Variants in CTRL observed in about 807,000 individuals in gnomAD.
The protein encoded by CTRL is chymotrypsin like, also known as chymotrypsin-like protease CTRL-1.
A neutral mutation model predicts 35.5 loss-of-function variants in CTRL; 38 were observed. The ratio of observed to expected loss-of-function variants is 1.07; its 90% CI spans 0.83 to 1.40. CTRL has a LOEUF of 1.40. CTRL is among the 40% of genes most tolerant of loss of function. The probability of loss-of-function intolerance (pLI) is 0.00; values close to 1 mark genes in which losing one functional copy is unlikely to be tolerated. For missense variants in CTRL, 327 were observed against 342.9 expected (o/e 0.95, Z 0.37); for synonymous variants, 155 against 141.1 (o/e 1.10, Z -0.70).
chr16:67,931,273 C>G, intron 1 of CTRL, 72 bp from the exon 2 acceptor site: 1 of 1,483,874 alleles, frequency 6.7e-7, no homozygotes, highest in Non-Finnish European at 9.3e-7. Flanking sequence ...TTTGGGTGCC[C>G]CAGGCTGTGC....
chr16:67,930,818 G>A lies in CTRL; in HGVS notation c.237-11C>T. The A allele has an allele frequency of 6.2e-7, 1 of 1,613,946 alleles. No individual in the cohort carries two copies. The highest frequency in any genetic ancestry group is 8.5e-7 in the Non-Finnish European group (1 of 1,179,892). On this transcript the variant is annotated splice_polypyrimidine_tract_variant and intron_variant, in intron 3 of 6. Coordinates refer to ENST00000574481, the MANE Select transcript of CTRL (RefSeq NM_001907.3). The surrounding 1 kb of genome is among the most constrained non-coding windows in gnomAD (Gnocchi z 4.3). The stretch of plus-strand genomic sequence containing the variant: ...AAATGGCGGCCAGGGCTGCAAGGGG[G>A]TGGGATTAGGCAGCTGCAGGGAGGC...
chr16:67,931,030 G>T (rs756872118), intron 2 of CTRL, 31 bp from the exon 3 acceptor site: 1 of 1,613,492 alleles, frequency 6.2e-7, no homozygotes, highest in Non-Finnish European at 8.5e-7. Context: ...TCAGAGTGGG[G>T]GTGGGCTGCT....
At position 67,931,118 on chromosome 16, in the gene CTRL, G is replaced by T; in HGVS notation, c.136C>A (p.Pro46Thr). The T allele has an allele frequency of 6.2e-7, 1 of 1,614,086 alleles. No homozygotes were observed. ...TGTACCTGCAGGGACACCTGCCAGG[G>T]CCAGGAGCCCAACACTGCATTCTCC... is the stretch of plus-strand genomic sequence containing the variant. ...NGENAVLGSWPWQVSLQDSSG... is the reference protein window; with the variant it reads ...NGENAVLGSWTWQVSLQDSSG... The change falls in exon 2 of 7, where the codon CCC becomes ACC. Residue 46 changes from proline (P) to threonine (T), a missense_variant. Coordinates refer to ENST00000574481, the MANE Select transcript of CTRL (RefSeq NM_001907.3).
Position 67,930,048 on chromosome 16 carries a change from C to G in CTRL, c.681G>C (p.Val227=). 1 of 1,614,140 alleles carries G rather than the reference C, an allele frequency of 6.2e-7. No individual in the cohort carries two copies. Among genetic ancestry groups the G allele is most frequent in the Non-Finnish European group, 8.5e-7 (1 of 1,180,024 alleles). The change falls in exon 7 of 7, where the codon GTG becomes GTC. Residue 227 remains valine, a synonymous_variant. Coordinates refer to ENST00000574481, the MANE Select transcript of CTRL (RefSeq NM_001907.3). This position sits in a 1 kb window ranked among gnomAD's most constrained non-coding sequence, Gnocchi z 4.3. ...TGCCCCAGGAGACAATACCAATAAG[C>G]ACCCATGTGTTTCCCTTCTGGCAGA... ...PLVCQKGNTW[V]LIGIVSWGTK... is the part of the protein sequence containing the mutation.
At position 67,930,858 on chromosome 16, in the gene CTRL, G is replaced by C; in HGVS notation, c.237-51C>G. 2 of 1,612,754 alleles carry C rather than the reference G, an allele frequency of 1.2e-6. No individual in the cohort carries two copies. Among genetic ancestry groups the C allele is most frequent in the Non-Finnish European group, 1.7e-6 (2 of 1,179,256 alleles). ...TGCAGGGAGGCCAGCGCGAGAGGGG[G>C]ACAGCCAGGGGAGGAGGCAGGAAGA... On this transcript the variant is annotated intron_variant, in intron 3 of 6. Transcript: ENST00000574481. This position sits in a 1 kb window ranked among gnomAD's most constrained non-coding sequence, Gnocchi z 4.3.
Position 67,931,803 on chromosome 16 carries a change from CAGG to C in CTRL, c.47_49del (p.Ser16del), listed in dbSNP as rs748104566. 6.4e-7 allele frequency: 1 copy of C among 1,566,792 alleles called. No homozygotes were observed. Among genetic ancestry groups the C allele is most frequent in the Non-Finnish European group, 8.7e-7 (1 of 1,155,848 alleles). On this transcript the variant is annotated inframe_deletion, in exon 1 of 7. Transcript: ENST00000574481. Reference sequence around the variant, plus strand: ...AGGGCTGGTCCTGGCCCACTCACCCCAGGAGGAGCCGAGGAGAACCAGGCTTAG... The same window carrying C: ...AGGGCTGGTCCTGGCCCACTCACCCCAGGAGCCGAGGAGAACCAGGCTTAG...
rs1026981761 is a variant in CTRL at position 67,929,787 on chromosome 16, C to T, written c.*147G>A. 1.6e-5 allele frequency: 15 copies of T among 909,996 alleles called. No homozygotes were observed. Among genetic ancestry groups the T allele is most frequent in the African/African-American group, 5.0e-5 (3 of 60,528 alleles). The allele number at this position is 909,996 out of a possible 1,614,324, so 56.4% of individuals were successfully genotyped here. A position where few individuals can be genotyped will look rare whatever the true frequency, so the allele number is the denominator to read the frequency against. On this transcript the variant is annotated 3_prime_UTR_variant, in exon 7 of 7. Transcript: ENST00000574481. ...AGCCACTGCTACTCAAGGAGTCACTCAGCCCCTTCTGTGCCAGAAGTCCAA... is the reference window on the plus strand; with the variant it reads ...AGCCACTGCTACTCAAGGAGTCACTTAGCCCCTTCTGTGCCAGAAGTCCAA...
At position 67,930,666 on chromosome 16, in the gene CTRL, C is replaced by A. The variant is rs1165327055; in HGVS notation, c.318+60G>T. On this transcript the variant is annotated intron_variant, in intron 4 of 6. Transcript: ENST00000574481. The surrounding 1 kb of genome is among the most constrained non-coding windows in gnomAD (Gnocchi z 4.3). ...AGGGCATGTCCTGAATTCCTCGTTCCCAGCACCCACCCACCTGCACTGCCC... is the reference window on the plus strand; with the variant it reads ...AGGGCATGTCCTGAATTCCTCGTTCACAGCACCCACCCACCTGCACTGCCC... 1.2e-6 allele frequency: 2 copies of A among 1,607,702 alleles called. No homozygotes were observed. Among genetic ancestry groups the A allele is most frequent in the African/African-American group, 2.7e-5 (2 of 74,768 alleles).
chr16:67,930,076 A>G lies in CTRL; in HGVS notation c.653T>C (p.Leu218Pro). The G allele has an allele frequency of 6.2e-7, 1 of 1,614,098 alleles. No homozygotes were observed. Among genetic ancestry groups the G allele is most frequent in the South Asian group, 1.1e-5 (1 of 91,082 alleles). The change falls in exon 7 of 7, where the codon CTT becomes CCT. Residue 218 changes from leucine to proline, a missense_variant. Coordinates refer to ENST00000574481, the MANE Select transcript of CTRL (RefSeq NM_001907.3). The surrounding 1 kb of genome is among the most constrained non-coding windows in gnomAD (Gnocchi z 4.3). ...SSCQGDSGGP[L>P]VCQKGNTWVL... ...CCATGTGTTTCCCTTCTGGCAGACA[A>G]GAGGGCCTCCGGAGTCACCCTGAGA...
rs1263892530 is a variant in CTRL at position 67,931,478 on chromosome 16, C to A, written c.53-277G>T. ...TACCCCTGGTCTCTCTGCCCCCTCC[C>A]GACCTGAACAGTTCATACCCTTCAT... On this transcript the variant is annotated intron_variant, in intron 1 of 6. Transcript: ENST00000574481. 1.3e-5 allele frequency: 8 copies of A among 594,236 alleles called. No homozygotes were observed. In the Admixed American group the frequency reaches 2.1e-4, roughly 15 times the overall value. The allele number at this position is 594,236 out of a possible 1,614,324, so 36.8% of individuals were successfully genotyped here.
At position 67,929,714 on chromosome 16, in the gene CTRL, C is replaced by A; in HGVS notation, c.*220G>T. 1 of 577,210 alleles carries A rather than the reference C, an allele frequency of 1.7e-6. No homozygotes were observed. Among genetic ancestry groups the A allele is most frequent in the South Asian group, 2.2e-5 (1 of 46,440 alleles). The allele number at this position is 577,210 out of a possible 1,614,324, so 35.8% of individuals were successfully genotyped here. A position where few individuals can be genotyped will look rare whatever the true frequency, so the allele number is the denominator to read the frequency against. On this transcript the variant is annotated 3_prime_UTR_variant, in exon 7 of 7. Coordinates refer to ENST00000574481, the MANE Select transcript of CTRL (RefSeq NM_001907.3). Reference sequence around the variant, plus strand: ...CTTGCTGTAGGACCAAGGGGTTGCCCTGGAGGAGGGGTGGGGGCCCCGGCC... The same window carrying A: ...CTTGCTGTAGGACCAAGGGGTTGCCATGGAGGAGGGGTGGGGGCCCCGGCC...
At position 67,929,837 on chromosome 16, in the gene CTRL, CTCT is replaced by C. The variant is rs1310607521; in HGVS notation, c.*94_*96del. ...AGTAGGGAGTCGGACCCTCAACAGC[CTCT>C]TCTTTCTCCTGAGCCAGGAAGACAG... On this transcript the variant is annotated 3_prime_UTR_variant, in exon 7 of 7. Transcript: ENST00000574481. The C allele has an allele frequency of 1.4e-6, 2 of 1,384,568 alleles. No homozygotes were observed. Among genetic ancestry groups the C allele is most frequent in the African/African-American group, 1.4e-5 (1 of 69,996 alleles). 85.8% of individuals were successfully genotyped at this position (1,384,568 alleles called of 1,614,324 possible).
chr16:67,931,104 G>C lies in CTRL; in HGVS notation c.150C>G (p.Ser50=). ...AVLGSWPWQV[S]LQDSSGFHFC... ...CACCCCTCTGGTGGTGTACCTGCAG[G>C]GACACCTGCCAGGGCCAGGAGCCCA... The change falls in exon 2 of 7, where the codon TCC becomes TCG. Residue 50 remains serine, a synonymous_variant. Coordinates refer to ENST00000574481, the MANE Select transcript of CTRL (RefSeq NM_001907.3). 6.2e-7 allele frequency: 1 copy of C among 1,613,994 alleles called. No homozygotes were observed. The highest frequency in any genetic ancestry group is 8.5e-7 in the Non-Finnish European group (1 of 1,179,966).
Position 67,930,609 on chromosome 16 carries a change from C to G in CTRL, c.319-21G>C. On this transcript the variant is annotated intron_variant, in intron 4 of 6. Coordinates refer to ENST00000574481, the MANE Select transcript of CTRL (RefSeq NM_001907.3). The surrounding 1 kb of genome is among the most constrained non-coding windows in gnomAD (Gnocchi z 4.3). ...ATGGCCTGTGGGGTCAGAAACAGTC[C>G]ATGTTCTGATGGGTGCTGAGCAGGG... 6.2e-7 allele frequency: 1 copy of G among 1,611,632 alleles called. No homozygotes were observed. The highest frequency in any genetic ancestry group is 8.5e-7 in the Non-Finnish European group (1 of 1,177,946).
chr16:67,931,258 C>T lies in CTRL; in HGVS notation c.53-57G>A. 5 of 1,583,316 alleles carry T rather than the reference C, an allele frequency of 3.2e-6. No individual in the cohort carries two copies. In the East Asian group the frequency reaches 9.0e-5, roughly 28 times the overall value. On this transcript the variant is annotated intron_variant, in intron 1 of 6. Transcript: ENST00000574481. ...CATGCCTCAGCCCATCTTTCCCCACCTCCTTTTGGGTGCCCCAGGCTGTGC... is the reference window on the plus strand; with the variant it reads ...CATGCCTCAGCCCATCTTTCCCCACTTCCTTTTGGGTGCCCCAGGCTGTGC...
In CTRL at chr16:67,931,208, A is replaced by G; in HGVS notation, c.53-7T>C. 6.2e-7 allele frequency: 1 copy of G among 1,613,878 alleles called. No individual in the cohort carries two copies. The highest frequency in any genetic ancestry group is 2.2e-5 in the East Asian group (1 of 44,878). ...ATGGCAGGAATGCCGCAGCCTGGCC[A>G]TTGGGCTAATGAGGACCTGCTTCCC... On this transcript the variant is annotated splice_polypyrimidine_tract_variant and splice_region_variant and intron_variant, in intron 1 of 6. Transcript: ENST00000574481.
chr16:67,930,328 AG>A lies in CTRL; in HGVS notation c.500-11del. ...GCTGGTGTCACATTGCCTGTGGGCC[AG>A]GAGGGGTGGTCACATGGGGCCCAGA... On this transcript the variant is annotated splice_polypyrimidine_tract_variant and intron_variant, in intron 5 of 6. Transcript: ENST00000574481. The surrounding 1 kb of genome is among the most constrained non-coding windows in gnomAD (Gnocchi z 4.3). The A allele has an allele frequency of 6.2e-7, 1 of 1,613,842 alleles. No homozygotes were observed. The highest frequency in any genetic ancestry group is 2.2e-5 in the East Asian group (1 of 44,858).
At chr16:67,931,073 C>G (rs747135175) in intron 2 of CTRL, 25 bp downstream of exon 2, 43 of 1,613,624 alleles carry the variant, frequency 2.7e-5, no homozygotes, top group Non-Finnish European at 3.4e-5. Flanking sequence ...TACCCAGGAC[C>G]CTGCCCACCC....
chr16:67,930,683 G>A lies in CTRL; in HGVS notation c.318+43C>T. Reference sequence around the variant, plus strand: ...CCTCGTTCCCAGCACCCACCCACCTGCACTGCCCACTTTTCCTCCGTGTCT... The same window carrying A: ...CCTCGTTCCCAGCACCCACCCACCTACACTGCCCACTTTTCCTCCGTGTCT... On this transcript the variant is annotated intron_variant, in intron 4 of 6. Coordinates refer to ENST00000574481, the MANE Select transcript of CTRL (RefSeq NM_001907.3). The surrounding 1 kb of genome is among the most constrained non-coding windows in gnomAD (Gnocchi z 4.3). 6.2e-7 allele frequency: 1 copy of A among 1,611,538 alleles called. No homozygotes were observed. Among genetic ancestry groups the A allele is most frequent in the Non-Finnish European group, 8.5e-7 (1 of 1,177,812 alleles).
Sources: allele counts gnomAD v4.1 joint callset, GRCh38; gene constraint gnomAD v4.1.1; non-coding constraint Gnocchi (gnomAD v3.1); transcripts MANE v1.5; gene names NCBI Gene and HGNC (gene_info 2026-07-23, HGNC 2026-07-21).